Variants in OCA2 observed in about 807,000 individuals in gnomAD.
OCA2 encodes OCA2 melanosomal transmembrane protein, also known as P protein.
A neutral mutation model predicts 100.2 loss-of-function variants in OCA2; 77 were observed. That is an observed-to-expected ratio of 0.77 (90% CI 0.64 to 0.93). OCA2 has a LOEUF of 0.93. Among genes scored for constraint, OCA2 ranks in the 40% least tolerant of loss-of-function variants. OCA2 has a pLI of 0.00. For synonymous variants in OCA2, 432 were observed against 439.2 expected (o/e 0.98, Z 0.21); for missense variants, 1,062 against 1,089.1 (o/e 0.98, Z 0.35).
In OCA2 at chr15:27,880,532, T is replaced by A. The variant is rs113824537; in HGVS notation, c.2080-8610A>T. 8.7e-4 allele frequency among the ~76,000 whole-genome samples: 132 copies of A among 152,350 alleles called. 3 individuals are homozygous for A. Among genetic ancestry groups the A allele is most frequent in the African/African-American group, 3.0e-3 (125 of 41,588 alleles). Reference sequence around the variant, plus strand: ...TTTCTTTGTGTCCTCTTTGTTTTCCTTGAGCAGTGAATTTGTAGTTCTCCT... The same window carrying A: ...TTTCTTTGTGTCCTCTTTGTTTTCCATGAGCAGTGAATTTGTAGTTCTCCT... On this transcript the variant is annotated intron_variant, in intron 19 of 23. Coordinates refer to ENST00000354638, the MANE Select transcript of OCA2 (RefSeq NM_000275.3).
chr15:27,862,445 G>T (rs1280366460), intron 21 of OCA2, among the ~76,000 whole-genome samples: 3 of 150,164 alleles, frequency 2.0e-5, no homozygotes, highest in Non-Finnish European at 4.4e-5. Context: ...CAGCGCCAAA[G>T]AACTTTGAAA....
At chr15:28,026,690 T>C (rs754045845) in intron 4 of OCA2, among the ~76,000 whole-genome samples, 30 of 152,088 alleles carry the variant, frequency 2.0e-4, no homozygotes, top group Admixed American at 2.6e-4. Flanking sequence ...GTTGGGAAGA[T>C]GTATAGGATA....
chr15:27,945,676 A>G (rs1302305055), intron 18 of OCA2, among the ~76,000 whole-genome samples: 1 of 152,230 alleles, frequency 6.6e-6, no homozygotes, highest in Non-Finnish European at 1.5e-5. Context: ...AAATTGCTCA[A>G]CCAGAGGGAC....
intron 23 of OCA2, 28 bp from the exon 24 acceptor site, chr15:27,755,500 G>A (rs1296704756): frequency 1.3e-6 from 2 of 1,564,074 alleles, no homozygotes; most frequent in Non-Finnish European, 1.8e-6. Context: ...ATGAGTTATG[G>A]CATCTGAAAT....
intron 19 of OCA2, among the ~76,000 whole-genome samples, chr15:27,901,391 G>T (rs547434367): frequency 6.6e-6 from 1 of 152,168 alleles, no homozygotes; most frequent in African/African-American, 2.4e-5. Flanking sequence ...GGACTTGATG[G>T]GTGGGAGGAA....
In OCA2 at chr15:28,081,797, G is replaced by A. The variant is rs751013587; in HGVS notation, c.78C>T (p.Ser26=). Residue 26 remains serine, a synonymous_variant, in exon 2 of 24, where the codon AGC becomes AGT. Transcript: ENST00000354638. ...AVELLQTSVP[S]GLAELVAGKR... ...TGCCGGCCACAAGTTCAGCGAGTCC[G>A]CTGGGCACGGACGTCTGCAGGAGCT... The A allele has an allele frequency of 7.4e-6, 12 of 1,612,552 alleles. No individual in the cohort carries two copies. The East Asian group carries it at 1.1e-4, about 15-fold the overall frequency.
chr15:27,854,802 C>A (rs28675123), intron 21 of OCA2, among the ~76,000 whole-genome samples: 1 of 152,062 alleles, frequency 6.6e-6, no homozygotes, highest in African/African-American at 2.4e-5. Flanking sequence ...GCTGTTGGTG[C>A]AAAGCCAGCC....
intron 2 of OCA2, among the ~76,000 whole-genome samples, chr15:28,054,028 GTA>G (rs1402547083): frequency 2.0e-5 from 3 of 152,130 alleles, no homozygotes; most frequent in African/African-American, 7.2e-5. Flanking sequence ...GTGTATATAT[GTA>G]TGTGTATAAA....
intron 1 of OCA2, among the ~76,000 whole-genome samples, chr15:28,096,959 A>G (rs1387400376): frequency 2.0e-5 from 3 of 152,102 alleles, no homozygotes; most frequent in Non-Finnish European, 4.4e-5. Flanking sequence ...GCCCGGGGCC[A>G]GGACCCCTCC....
At chr15:27,865,417 A>T (rs1187902351) in intron 21 of OCA2, among the ~76,000 whole-genome samples, 1 of 152,216 alleles carries the variant, frequency 6.6e-6, no homozygotes, top group Non-Finnish European at 1.5e-5. Context: ...TCTGCATCTG[A>T]CAGAGGCTGG....
chr15:27,740,084 G>A, the OCA2 span, among the ~76,000 whole-genome samples: 1 of 152,198 alleles, frequency 6.6e-6, no homozygotes, highest in Non-Finnish European at 1.5e-5. Context: ...TTCCTGTCTT[G>A]AGAAACTGTT....
chr15:28,093,482 G>C (rs4778240), intron 1 of OCA2, among the ~76,000 whole-genome samples: 151,770 of 151,782 alleles, frequency 1, 75,879 homozygotes, highest in Non-Finnish European at 1. Flanking sequence ...ACTCGAGAGG[G>C]TGGTTCACTC....
At chr15:27,998,984 A>G (rs1160798511) in intron 9 of OCA2, among the ~76,000 whole-genome samples, 18 of 150,340 alleles carry the variant, frequency 1.2e-4, no homozygotes, top group Non-Finnish European at 2.5e-4. Flanking sequence ...TCACTCGTAG[A>G]TGGGAATTGA....
intron 23 of OCA2, among the ~76,000 whole-genome samples, chr15:27,819,770 A>G (rs1380564368): frequency 6.6e-6 from 1 of 152,198 alleles, no homozygotes; most frequent in African/African-American, 2.4e-5. Flanking sequence ...GTGCTCTATC[A>G]ATCAGCTGAG....
At chr15:27,831,972 C>T (rs534024740) in intron 23 of OCA2, among the ~76,000 whole-genome samples, 1 of 152,102 alleles carries the variant, frequency 6.6e-6, no homozygotes, top group Admixed American at 6.5e-5. Context: ...CTCCAGCCCC[C>T]CGTGCTCAGG....
chr15:27,769,926 G>A (rs976784579), intron 23 of OCA2, among the ~76,000 whole-genome samples: 3 of 148,974 alleles, frequency 2.0e-5, no homozygotes, highest in Admixed American at 1.3e-4. Context: ...GGCCCCTCTG[G>A]GCCTCAGGAC....
intron 13 of OCA2, 49 bp from the exon 14 acceptor site, chr15:27,983,532 A>C (rs775343661): frequency 7.5e-6 from 12 of 1,602,534 alleles, no homozygotes; most frequent in South Asian, 2.2e-5. Context: ...ACACATCGTG[A>C]AAGGCCCACA....
intron 19 of OCA2, among the ~76,000 whole-genome samples, chr15:27,897,119 G>A (rs577285963): frequency 1.3e-5 from 2 of 151,686 alleles, no homozygotes; most frequent in Non-Finnish European, 2.9e-5. Flanking sequence ...GAACCTGGGA[G>A]GGGGAGCTTG....
the OCA2 span, among the ~76,000 whole-genome samples, chr15:27,732,336 C>T: frequency 6.7e-4 from 102 of 152,202 alleles, no homozygotes; most frequent in Middle Eastern, 6.8e-3. Flanking sequence ...TGTTGTACAC[C>T]AGACCTGGAG....
Sources: gnomAD v4.1 joint callset for allele counts (sites outside exome capture counted in the v4.1 genomes callset) on GRCh38, gnomAD v4.1.1 for gene constraint, MANE v1.5 for transcripts, NCBI Gene and HGNC (gene_info 2026-07-23, HGNC 2026-07-21) for gene names.